The following DMD variants were observed in gnomAD, a reference collection of about 807,000 sequenced individuals.
DMD encodes the protein dystrophin, also known as mutant dystrophin.
Under a neutral mutation model 330.1 loss-of-function variants are expected in DMD, and 63 were observed. The ratio of observed to expected loss-of-function variants is 0.19; its 90% CI spans 0.16 to 0.24. DMD has a LOEUF of 0.24. DMD is among the 10% of genes least tolerant of loss of function. The probability of loss-of-function intolerance (pLI) is 1.00; values close to 1 mark genes in which losing one functional copy is unlikely to be tolerated. For synonymous variants in DMD, 1,223 were observed against 959.8 expected (o/e 1.27, Z -5.07); for missense variants, 3,344 against 2,684.1 (o/e 1.25, Z -5.43).
chrX:32,451,438 G>T (rs1359594968), intron 26 of DMD, among the ~76,000 whole-genome samples: 1 of 110,682 alleles, frequency 9.0e-6, no homozygotes, highest in Non-Finnish European at 1.9e-5. Context: ...TTTCCAGAGT[G>T]TTTTTCAAAG....
At chrX:32,520,172 C>T (rs1013056223) in intron 17 of DMD, among the ~76,000 whole-genome samples, 1 of 111,402 alleles carries the variant, frequency 9.0e-6, no homozygotes, top group Non-Finnish European at 1.9e-5. Flanking sequence ...TTTATCTTTC[C>T]TACATTTTTT....
intron 2 of DMD, among the ~76,000 whole-genome samples, chrX:32,989,093 G>C (rs1270156672): frequency 1.8e-5 from 2 of 111,452 alleles, no homozygotes; most frequent in Non-Finnish European, 1.9e-5. Flanking sequence ...TACCAGGGTA[G>C]GGTACTATAA....
chrX:32,105,728 C>A (rs1640293245), intron 44 of DMD, among the ~76,000 whole-genome samples: 1 of 111,666 alleles, frequency 9.0e-6, no homozygotes, highest in Admixed American at 9.5e-5. Flanking sequence ...CTTTATACTG[C>A]TAATAAGTCA....
At chrX:33,040,028 A>G (rs1405686900) in intron 1 of DMD, among the ~76,000 whole-genome samples, 1 of 111,142 alleles carries the variant, frequency 9.0e-6, no homozygotes, top group Non-Finnish European at 1.9e-5. Context: ...AGCAGGAAAA[A>G]GAAAATAGCT....
chrX:32,614,529 G>C, intron 11 of DMD, 76 bp from the exon 12 acceptor site: 3 of 893,215 alleles, frequency 3.4e-6, no homozygotes, highest in Non-Finnish European at 4.8e-6. Context: ...TAAAACAATA[G>C]AATTTATAAT....
At chrX:33,326,938 A>G (rs1333201465) in intron 1 of DMD, among the ~76,000 whole-genome samples, 1 of 111,681 alleles carries the variant, frequency 9.0e-6, no homozygotes, top group Non-Finnish European at 1.9e-5. Flanking sequence ...CTCTCTATAA[A>G]GAGGAAATAA....
At chrX:32,160,327 G>A (rs761250228) in intron 44 of DMD, among the ~76,000 whole-genome samples, 1 of 109,207 alleles carries the variant, frequency 9.2e-6, no homozygotes, top group Non-Finnish European at 1.9e-5. Context: ...TCTGCCTCCC[G>A]AGTTCAAGTG....
At chrX:32,123,878 C>T (rs2096649699) in intron 44 of DMD, among the ~76,000 whole-genome samples, 1 of 112,197 alleles carries the variant, frequency 8.9e-6, no homozygotes, top group Non-Finnish European at 1.9e-5. Context: ...AGGTAAGGTA[C>T]ACTATTGATT....
chrX:32,991,087 T>C (rs780510249), intron 2 of DMD, among the ~76,000 whole-genome samples: 22 of 111,525 alleles, frequency 2.0e-4, no homozygotes, highest in African/African-American at 6.8e-4. Context: ...TAGAAAACTA[T>C]AAAAGTATAC....
In DMD at chrX:33,291,186, C is replaced by A. The variant is rs1603428757; in HGVS notation, c.7+48073G>T. Reference sequence around the variant, plus strand: ...ATTATCTCAATAGATGCAGAAAAGGCCTTCGATAAAATTCAACACCCCTTC... The same window carrying A: ...ATTATCTCAATAGATGCAGAAAAGGACTTCGATAAAATTCAACACCCCTTC... On this transcript the variant is annotated intron_variant, in intron 1 of 17. Coordinates refer to the DMD transcript ENST00000288447. Among the ~76,000 whole-genome samples the A allele has an allele frequency of 5.4e-5, 6 of 111,368 alleles. No individual in the cohort carries two copies. In the South Asian group the frequency reaches 2.2e-3, roughly 41 times the overall value.
chrX:32,834,089 A>G (rs1412575958), intron 4 of DMD, among the ~76,000 whole-genome samples: 2 of 111,782 alleles, frequency 1.8e-5, no homozygotes, highest in African/African-American at 6.5e-5. Context: ...AACATTTACT[A>G]TTAATGCATT....
chrX:32,236,497 T>C (rs551782911), intron 43 of DMD, among the ~76,000 whole-genome samples: 2 of 112,137 alleles, frequency 1.8e-5, no homozygotes, highest in African/African-American at 6.5e-5. Context: ...CCAAATCTCA[T>C]CTTGAATTCC....
chrX:31,173,471 T>C, intron 72 of DMD, 68 bp downstream of exon 72: 1 of 1,111,686 alleles, frequency 9.0e-7, no homozygotes, highest in Non-Finnish European at 1.2e-6. Flanking sequence ...GTTTAAAATA[T>C]CATAGGTTAG....
intron 17 of DMD, among the ~76,000 whole-genome samples, chrX:32,528,404 G>T (rs1276913677): frequency 9.0e-6 from 1 of 111,709 alleles, no homozygotes; most frequent in Non-Finnish European, 1.9e-5. Flanking sequence ...TATTTTCTTG[G>T]GTAAATTAAT....
In DMD at chrX:31,284,825, A is replaced by AACACACAC. The variant is rs61401043; in HGVS notation, c.9225-23817_9225-23810dup. On this transcript the variant is annotated intron_variant, in intron 62 of 78. Coordinates refer to ENST00000357033, the MANE Select transcript of DMD (RefSeq NM_004006.3). ...CCTTAAAGATAAATCTAATGGCTTA[A>AACACACAC]ACACACACACACACACACACACACA... 6.4e-3 allele frequency among the ~76,000 whole-genome samples: 589 copies of AACACACAC among 91,490 alleles called. 1 individual carries two copies. The highest frequency in any genetic ancestry group is 0.013 in the South Asian group (25 of 1,883). 79.4% of individuals were successfully genotyped at this position (91,490 alleles called of 115,157 possible). A position where few individuals can be genotyped will look rare whatever the true frequency, so the allele number is the denominator to read the frequency against.
At chrX:33,041,695 C>T (rs1254161332) in intron 1 of DMD, 8 of 1,206,234 alleles carry the variant, frequency 6.6e-6, no homozygotes, top group African/African-American at 1.8e-5. Context: ...ACGTTTAGTA[C>T]TGGATTCAGT....
intron 55 of DMD, among the ~76,000 whole-genome samples, chrX:31,522,363 CTATA>C (rs1556678891): frequency 1.7e-3 from 61 of 35,959 alleles, no homozygotes; most frequent in East Asian, 8.7e-3. Flanking sequence ...CTCTCTCTCT[CTATA>C]TATATATATA....
At chrX:32,868,193 C>T (rs1249581968) in intron 2 of DMD, among the ~76,000 whole-genome samples, 2 of 112,147 alleles carry the variant, frequency 1.8e-5, no homozygotes, top group East Asian at 2.8e-4. Flanking sequence ...GGAAATCTTT[C>T]TTTTTCCACA....
rs751398784 is a variant in DMD at position 32,693,648 on chromosome X, C to A, written c.960+4222G>T. Among the ~76,000 whole-genome samples, 46 of 111,921 alleles carry A rather than the reference C, an allele frequency of 4.1e-4. No individual in the cohort carries two copies. In the South Asian group the frequency reaches 9.0e-3, roughly 22 times the overall value. On this transcript the variant is annotated intron_variant, in intron 9 of 78. Transcript: ENST00000357033. Reference sequence around the variant, plus strand: ...AGAAACAGCATTTTGCCATGTTGGCCAGGCTGGTCTCAAACTCCTAGCCTC... The same window carrying A: ...AGAAACAGCATTTTGCCATGTTGGCAAGGCTGGTCTCAAACTCCTAGCCTC...
Sources: allele counts gnomAD v4.1 joint callset (sites outside exome capture counted in the v4.1 genomes callset), GRCh38; gene constraint gnomAD v4.1.1; transcripts MANE v1.5; gene names NCBI Gene and HGNC (gene_info 2026-07-23, HGNC 2026-07-21).